The following PEX2 variants were observed in gnomAD, a reference collection of about 807,000 sequenced individuals.
PEX2 encodes the protein peroxisome biogenesis factor 2.
Under a neutral mutation model 25.2 loss-of-function variants are expected in PEX2, and 19 were observed. The ratio of observed to expected loss-of-function variants is 0.75; its 90% CI spans 0.53 to 1.10. The LOEUF (loss-of-function observed/expected upper bound fraction) is 1.10, where lower values mean the gene tolerates loss of function less well. PEX2 is among the 50% of genes least tolerant of loss of function. PEX2 has a pLI of 0.00. For missense variants in PEX2, 347 were observed against 350.6 expected (o/e 0.99, Z 0.08); for synonymous variants, 141 against 127.7 (o/e 1.10, Z -0.70).
chr8:76,991,569 T>G (rs1326080899), intron 1 of PEX2, among the ~76,000 whole-genome samples: 1 of 152,246 alleles, frequency 6.6e-6, no homozygotes, highest in Non-Finnish European at 1.5e-5. Context: ...TTTTGTGACT[T>G]CTTTTAGTTG....
At chr8:76,993,971 C>G (rs1474384426) in intron 1 of PEX2, among the ~76,000 whole-genome samples, 2 of 151,976 alleles carry the variant, frequency 1.3e-5, no homozygotes, top group African/African-American at 4.8e-5. Context: ...ATGCTTAAGG[C>G]AAAATCAAGA....
chr8:76,995,552 G>C (rs1807299622), intron 1 of PEX2, among the ~76,000 whole-genome samples: 1 of 151,576 alleles, frequency 6.6e-6, no homozygotes, highest in African/African-American at 2.4e-5. Context: ...AGATTATATT[G>C]AGTCTTACAC....
At chr8:76,995,756 A>G (rs1349698776) in intron 1 of PEX2, among the ~76,000 whole-genome samples, 1 of 152,174 alleles carries the variant, frequency 6.6e-6, no homozygotes, top group African/African-American at 2.4e-5. Flanking sequence ...TGAGTCTGAG[A>G]ATGCTTATTG....
At chr8:76,989,691 AT>A (rs1437674505) in intron 1 of PEX2, among the ~76,000 whole-genome samples, 1 of 152,060 alleles carries the variant, frequency 6.6e-6, no homozygotes, top group Non-Finnish European at 1.5e-5. Context: ...TTTTGAAATA[AT>A]TTTTTTTGAA....
At chr8:76,993,358 C>T (rs1315717022) in intron 1 of PEX2, among the ~76,000 whole-genome samples, 3 of 152,146 alleles carry the variant, frequency 2.0e-5, no homozygotes, top group Non-Finnish European at 4.4e-5. Context: ...AGGGGCCTAC[C>T]TATGATGCTA....
Position 76,983,877 on chromosome 8 carries a change from T to G in PEX2, c.302A>C (p.Asn101Thr), listed in dbSNP as rs774959538. The G allele has an allele frequency of 1.2e-6, 2 of 1,614,046 alleles. No homozygotes were observed. The highest frequency in any genetic ancestry group is 1.7e-6 in the Non-Finnish European group (2 of 1,180,032). Reference sequence around the variant, plus strand: ...ACAAACAGCATACCAGATTTTTTGATTTTTACTGGGTGGCTGATATCTCAG... The same window carrying G: ...ACAAACAGCATACCAGATTTTTTGAGTTTTACTGGGTGGCTGATATCTCAG... ...PNLRYQPPSK[N>T]QKIWYAVCTI... Residue 101 changes from asparagine to threonine, a missense_variant, in exon 4 of 4, where the codon AAT becomes ACT. Physicochemically the swap from Asn to Thr is moderately conservative, Grantham distance 65. Transcript: ENST00000357039.
Position 76,989,495 on chromosome 8 carries a change from T to C in PEX2, c.-159-1157A>G, listed in dbSNP as rs112740413. ...ACTTTGCCCAGATCCATCAGAGAAA[T>C]TGCTATTGGCAACTACAGGCTTAAG... On this transcript the variant is annotated intron_variant, in intron 1 of 3. Transcript: ENST00000357039. Among the ~76,000 whole-genome samples, 1,181 of 152,208 alleles carry C rather than the reference T, an allele frequency of 7.8e-3. 13 individuals carry two copies. The highest frequency in any genetic ancestry group is 0.024 in the South Asian group (117 of 4,818).
In PEX2 at chr8:76,983,531, C is replaced by G. The variant is rs751185739; in HGVS notation, c.648G>C (p.Leu216Phe). 1 of 1,614,042 alleles carries G rather than the reference C, an allele frequency of 6.2e-7. No individual in the cohort carries two copies. The highest frequency in any genetic ancestry group is 1.7e-5 in the Admixed American group (1 of 60,020). ...TACACCATGAAGACAGCTTGGCTTT[C>G]AACTTCTGGACATTGATAAGTGGTA... ...FLLPLINVQK[L>F]KAKLSSWCIP... Residue 216 changes from leucine to phenylalanine, a missense_variant, in exon 4 of 4, where the codon TTG becomes TTC. Coordinates refer to ENST00000357039, the MANE Select transcript of PEX2 (RefSeq NM_000318.3).
At chr8:76,984,311 C>A in intron 3 of PEX2, 116 bp from the exon 4 acceptor site, 2 of 770,026 alleles carry the variant, frequency 2.6e-6, no homozygotes, top group Non-Finnish European at 4.3e-6. Context: ...AGGCGATGAG[C>A]GTTTCAGTAG....
chr8:76,985,030 GCTTA>G (rs1357217121), intron 3 of PEX2, among the ~76,000 whole-genome samples: 8 of 152,140 alleles, frequency 5.3e-5, no homozygotes, highest in Middle Eastern at 6.8e-3. Flanking sequence ...GCTAGGTACA[GCTTA>G]CTGATTCAAT....
Position 76,982,974 on chromosome 8 carries a change from T to C in PEX2, c.*287A>G. ...AATCCAACCTTGTTTTAAGAAGTAG[T>C]AAAATGAAGGAGCATTGTTAGTAGT... On this transcript the variant is annotated 3_prime_UTR_variant, in exon 4 of 4. Transcript: ENST00000357039. The C allele has an allele frequency of 1.5e-6, 1 of 646,638 alleles. No individual in the cohort carries two copies. The allele number at this position is 646,638 out of a possible 1,614,324, so 40.1% of individuals were successfully genotyped here. A position where few individuals can be genotyped will look rare whatever the true frequency, so the allele number is the denominator to read the frequency against.
chr8:76,989,521 A>C (rs1807101728), intron 1 of PEX2, among the ~76,000 whole-genome samples: 1 of 152,156 alleles, frequency 6.6e-6, no homozygotes. Flanking sequence ...CAGGCTTAAG[A>C]AATGTAGTTC....
In PEX2 at chr8:76,980,609, G is replaced by A. The variant is rs959318247; in HGVS notation, c.*2652C>T. 1.3e-5 allele frequency: 2 copies of A among 152,220 alleles called. No individual in the cohort carries two copies. The highest frequency in any genetic ancestry group is 4.8e-5 in the African/African-American group (2 of 41,442). The allele number at this position is 152,220 out of a possible 1,614,324, so 9.4% of individuals were successfully genotyped here. ...AGGAATGTGCACATAATCCAAGGCA[G>A]ACCAGTAACAGTGAGCTCCTGGACT... is the stretch of plus-strand genomic sequence containing the variant. On this transcript the variant is annotated 3_prime_UTR_variant, in exon 4 of 4. Coordinates refer to ENST00000357039, the MANE Select transcript of PEX2 (RefSeq NM_000318.3).
At chr8:76,987,212 A>T (rs1425244979) in intron 2 of PEX2, among the ~76,000 whole-genome samples, 1 of 152,206 alleles carries the variant, frequency 6.6e-6, no homozygotes, top group East Asian at 1.9e-4. Context: ...GCTATATAAA[A>T]TAAACAGGTG....
rs935435870 is a variant in PEX2 at position 76,984,067 on chromosome 8, T to C, written c.112A>G (p.Thr38Ala). 4.3e-6 allele frequency: 7 copies of C among 1,612,676 alleles called. No homozygotes were observed. The highest frequency in any genetic ancestry group is 1.7e-5 in the Admixed American group (1 of 59,870). ...GGTTTAAATCCATGAAAGCACTGAG[T>C]AAACTGGGACCAAACTAGCTGCTCC... ...ALEQLVWSQF[T>A]QCFHGFKPGL... The change falls in exon 4 of 4, where the codon ACT (threonine) becomes GCT (alanine). Residue 38 changes from threonine to alanine, a missense_variant. Thr to Ala is a moderately conservative substitution (Grantham distance 58). Coordinates refer to ENST00000357039, the MANE Select transcript of PEX2 (RefSeq NM_000318.3).
chr8:77,000,500 C>T (rs938225141), upstream of PEX2, among the ~76,000 whole-genome samples: 17 of 152,254 alleles, frequency 1.1e-4, no homozygotes, highest in African/African-American at 4.1e-4. Flanking sequence ...TCCGGGGTTC[C>T]TTGTTCGCTG....
chr8:76,993,495 T>C (rs1807234147), intron 1 of PEX2, among the ~76,000 whole-genome samples: 2 of 152,172 alleles, frequency 1.3e-5, no homozygotes, highest in South Asian at 4.1e-4. Context: ...ACTAGTACTC[T>C]CCTTACTTCT....
intron 1 of PEX2, among the ~76,000 whole-genome samples, chr8:76,992,330 T>C (rs1160247719): frequency 1.3e-5 from 2 of 152,146 alleles, no homozygotes; most frequent in Admixed American, 1.3e-4. Context: ...GACTCTAGGG[T>C]GCTTTGCTGC....
At chr8:76,991,437 A>G (rs1044431937) in intron 1 of PEX2, among the ~76,000 whole-genome samples, 1 of 152,052 alleles carries the variant, frequency 6.6e-6, no homozygotes, top group Non-Finnish European at 1.5e-5. Flanking sequence ...TCTCCTCCCT[A>G]CGTAAGACTC....
Sources: allele counts gnomAD v4.1 joint callset (sites outside exome capture counted in the v4.1 genomes callset), GRCh38; gene constraint gnomAD v4.1.1; transcripts MANE v1.5; gene names NCBI Gene and HGNC (gene_info 2026-07-23, HGNC 2026-07-21).